TPTE: variants seen among roughly 807,000 people sequenced by gnomAD.
TPTE encodes the protein transmembrane phosphatase with tensin homology, also known as putative tyrosine-protein phosphatase TPTE.
TPTE carries 59 observed loss-of-function variants against 84.1 expected under a neutral mutation model. That is an observed-to-expected ratio of 0.70 (90% CI 0.57 to 0.87). The LOEUF (loss-of-function observed/expected upper bound fraction) is 0.87, where lower values mean the gene tolerates loss of function less well. Among genes scored for constraint, TPTE ranks in the 40% least tolerant of loss-of-function variants. TPTE has a pLI of 0.00. For synonymous variants in TPTE, 130 were observed against 223.5 expected, an observed-to-expected ratio of 0.58 and a Z score of 3.73; for missense variants, 382 against 659.6, an observed-to-expected ratio of 0.58 and a Z score of 4.61.
At chr21:10,563,910 G>A (rs1395750844) in intron 10 of TPTE, among the ~76,000 whole-genome samples, 1 of 152,308 alleles carries the variant, frequency 6.6e-6, no homozygotes, top group Non-Finnish European at 1.5e-5. Context: ...AATCCCAGCA[G>A]TTTGGGAGGC....
At chr21:10,557,488 C>T (rs2074706679) in intron 8 of TPTE, among the ~76,000 whole-genome samples, 1 of 152,302 alleles carries the variant, frequency 6.6e-6, no homozygotes, top group African/African-American at 2.4e-5. Flanking sequence ...CAAGTGAGTT[C>T]AGATTTATGA....
intron 7 of TPTE, among the ~76,000 whole-genome samples, chr21:10,546,782 G>T (rs1347948673): frequency 2.0e-5 from 3 of 152,308 alleles, no homozygotes; most frequent in Non-Finnish European, 4.4e-5. Context: ...AAGCCTGGGA[G>T]AGGTAAGGAA....
chr21:10,584,452 ATCAGCCTCTTGAGTAGCTAGCACT>A (rs1255029772), intron 17 of TPTE, among the ~76,000 whole-genome samples: 1 of 152,252 alleles, frequency 6.6e-6, no homozygotes, highest in African/African-American at 2.4e-5. Context: ...ATCCTCCTAT[ATCAGCCTCTTGAGTAGCTAGCACT>A]GCAGGCAGGT....
chr21:10,554,666 T>C (rs935892860), intron 8 of TPTE, among the ~76,000 whole-genome samples: 2 of 152,308 alleles, frequency 1.3e-5, no homozygotes, highest in African/African-American at 2.4e-5. Context: ...CAAATGTATC[T>C]GTACTTTTCT....
intron 3 of TPTE, among the ~76,000 whole-genome samples, chr21:10,532,695 A>G (rs1375341097): frequency 3.3e-5 from 5 of 152,308 alleles, no homozygotes; most frequent in Admixed American, 1.3e-4. Flanking sequence ...GTTATTATCA[A>G]TCAGTTCTTA....
chr21:10,586,150 G>T (rs112666029), intron 17 of TPTE, among the ~76,000 whole-genome samples: 2,482 of 148,494 alleles, frequency 0.017, no homozygotes, highest in African/African-American at 0.063. Flanking sequence ...TCTTGACATG[G>T]ATAATTCTTA....
At chr21:10,584,262 C>G (rs1478875629) in intron 17 of TPTE, among the ~76,000 whole-genome samples, 2 of 152,226 alleles carry the variant, frequency 1.3e-5, no homozygotes, top group African/African-American at 4.8e-5. Context: ...TGTTTATTTT[C>G]TAAATGTTTT....
At chr21:10,564,170 A>T (rs1364033095) in intron 10 of TPTE, among the ~76,000 whole-genome samples, 1 of 152,284 alleles carries the variant, frequency 6.6e-6, no homozygotes, top group Non-Finnish European at 1.5e-5. Flanking sequence ...AATAAAATAA[A>T]AAAACCCATT....
intron 8 of TPTE, among the ~76,000 whole-genome samples, chr21:10,557,488 C>G (rs2074706679): frequency 6.6e-6 from 1 of 152,302 alleles, no homozygotes; most frequent in South Asian, 2.1e-4. Context: ...CAAGTGAGTT[C>G]AGATTTATGA....
intron 3 of TPTE, among the ~76,000 whole-genome samples, chr21:10,536,496 A>G (rs1413066288): frequency 3.3e-5 from 5 of 152,306 alleles, no homozygotes; most frequent in Admixed American, 1.3e-4. Context: ...ATTATAAAAT[A>G]TATATACACA....
chr21:10,560,029 T>C (rs2074764673), intron 9 of TPTE, among the ~76,000 whole-genome samples: 1 of 152,304 alleles, frequency 6.6e-6, no homozygotes, highest in Admixed American at 6.5e-5. Context: ...AGTAGCCATG[T>C]GCCCCATCTA....
At chr21:10,535,745 G>GT (rs1260472974) in intron 3 of TPTE, among the ~76,000 whole-genome samples, 120 of 152,366 alleles carry the variant, frequency 7.9e-4, no homozygotes, top group Non-Finnish European at 1.4e-3. Context: ...TCATGAAACC[G>GT]TAATGGGTTC....
intron 21 of TPTE, among the ~76,000 whole-genome samples, chr21:10,600,660 A>C (rs1372905347): frequency 6.6e-6 from 1 of 152,308 alleles, no homozygotes; most frequent in Non-Finnish European, 1.5e-5. Context: ...GTTATGTACC[A>C]TTCTACTATT....
intron 7 of TPTE, among the ~76,000 whole-genome samples, chr21:10,548,972 T>C (rs2074522759): frequency 1.3e-5 from 2 of 152,428 alleles, no homozygotes; most frequent in South Asian, 2.1e-4. Flanking sequence ...AAAGCCATAC[T>C]CCAAGTTTTC....
chr21:10,564,174 A>G (rs562835763), intron 10 of TPTE, among the ~76,000 whole-genome samples: 15 of 152,414 alleles, frequency 9.8e-5, no homozygotes, highest in Non-Finnish European at 1.8e-4. Flanking sequence ...AAATAAAAAA[A>G]CCCATTGCTC....
chr21:10,585,660 G>A (rs1158281607), intron 17 of TPTE, among the ~76,000 whole-genome samples: 2 of 152,306 alleles, frequency 1.3e-5, no homozygotes, highest in East Asian at 1.9e-4. Context: ...GTAAATTTAT[G>A]CATGCTGATT....
chr21:10,552,270 C>CTT (rs2074589273), intron 7 of TPTE, among the ~76,000 whole-genome samples: 1 of 152,310 alleles, frequency 6.6e-6, no homozygotes, highest in Admixed American at 6.5e-5. Flanking sequence ...GTGTGAGTTG[C>CTT]TTAATGCAGT....
intron 10 of TPTE, among the ~76,000 whole-genome samples, chr21:10,566,016 A>G (rs2074913766): frequency 1.3e-5 from 2 of 152,310 alleles, no homozygotes; most frequent in African/African-American, 2.4e-5. Context: ...ATGGGATCAC[A>G]TCAAGTTAAA....
At position 10,543,349 on chromosome 21, in the gene TPTE, A is replaced by C; in HGVS notation, c.140A>C (p.Lys47Thr). The change falls in exon 7 of 24, where the codon AAA becomes ACA. Residue 47 changes from lysine (K) to threonine (T), a missense_variant. Physicochemically the swap from Lys to Thr is moderately conservative, Grantham distance 78. This residue lies in a region of TPTE where 7 missense variants were observed against 19.0 expected (regional missense o/e 0.37). Coordinates refer to ENST00000618007, the MANE Select transcript of TPTE (RefSeq NM_199261.4). Reference protein sequence around the residue: ...AKESPHTSEFKGAARVSPISE... With the variant: ...AKESPHTSEFTGAARVSPISE... The stretch of plus-strand genomic sequence containing the variant: ...TCTAGCCCACACACAAGTGAATTTA[A>C]AGGAGCAGCCCGGGTGTCACCTATC... 6.2e-7 allele frequency: 1 copy of C among 1,614,058 alleles called. No homozygotes were observed. Among genetic ancestry groups the C allele is most frequent in the Non-Finnish European group, 8.5e-7 (1 of 1,179,888 alleles).
Sources: allele counts gnomAD v4.1 joint callset (sites outside exome capture counted in the v4.1 genomes callset), GRCh38; gene constraint gnomAD v4.1.1; regional missense constraint gnomAD v4.1.1; transcripts MANE v1.5; gene names NCBI Gene and HGNC (gene_info 2026-07-23, HGNC 2026-07-21).